Variants in AGAP3 observed in about 807,000 individuals in gnomAD.
AGAP3 encodes ArfGAP with GTPase domain, ankyrin repeat and PH domain 3.
Under a neutral mutation model 96.9 loss-of-function variants are expected in AGAP3, and 24 were observed. The observed-to-expected ratio is 0.25, with a 90% CI of 0.18 to 0.35. The LOEUF (loss-of-function observed/expected upper bound fraction) is 0.35, where lower values mean the gene tolerates loss of function less well. Among genes scored for constraint, AGAP3 ranks in the 10% least tolerant of loss-of-function variants. The pLI is 1.00. For missense variants in AGAP3, 876 were observed against 1,254.2 expected, an observed-to-expected ratio of 0.70 and a Z score of 4.55; for synonymous variants, 563 against 536.1, an observed-to-expected ratio of 1.05 and a Z score of -0.69.
chr7:151,115,111 C>A, intron 1 of AGAP3: 1 of 1,033,716 alleles, frequency 9.7e-7, no homozygotes, highest in South Asian at 3.3e-5. Context: ...CGCAGCCGCA[C>A]CCGCGGGGAG....
intron 1 of AGAP3, among the ~76,000 whole-genome samples, chr7:151,102,063 G>A (rs968130725): frequency 1.3e-5 from 2 of 152,222 alleles, no homozygotes; most frequent in Non-Finnish European, 2.9e-5. Flanking sequence ...TGGGGCGTGT[G>A]GGTGTCCTCG....
intron 11 of AGAP3, among the ~76,000 whole-genome samples, chr7:151,134,796 A>G (rs1800531225): frequency 6.6e-6 from 1 of 152,166 alleles, no homozygotes; most frequent in African/African-American, 2.4e-5. Context: ...AGATGGGGCC[A>G]AGTAGTGTCA....
chr7:151,087,314 T>G, intron 1 of AGAP3: 1 of 542,260 alleles, frequency 1.8e-6, no homozygotes, highest in Non-Finnish European at 3.3e-6. Context: ...GCGAAGGTGG[T>G]GTCGCTTGGG....
intron 7 of AGAP3, 131 bp from the exon 8 acceptor site, chr7:151,119,856 G>C: frequency 1.3e-6 from 1 of 763,536 alleles, no homozygotes; most frequent in Non-Finnish European, 2.1e-6. Context: ...ATCATCTGTA[G>C]GGGCTAGTGG....
intron 1 of AGAP3, chr7:151,115,728 C>T (rs1181648647): frequency 5.8e-6 from 5 of 865,064 alleles, no homozygotes; most frequent in Non-Finnish European, 7.1e-6. Flanking sequence ...AGCTGCCGCG[C>T]GCGTCCGGGG....
Position 151,118,046 on chromosome 7 carries a change from G to T in AGAP3, c.707-164G>T. 1.0e-6 allele frequency: 1 copy of T among 995,388 alleles called. No homozygotes were observed. The highest frequency in any genetic ancestry group is 1.5e-6 in the Non-Finnish European group (1 of 683,978). 61.7% of individuals were successfully genotyped at this position (995,388 alleles called of 1,614,324 possible). On this transcript the variant is annotated intron_variant, in intron 5 of 17. Coordinates refer to ENST00000397238, the MANE Select transcript of AGAP3 (RefSeq NM_031946.7). This position sits in a 1 kb window ranked among gnomAD's most constrained non-coding sequence, Gnocchi z 6.1. ...TGCTTGCTGGTTTGCACTCAGTGAG[G>T]CCATGGAAGGGTTGAAATGAGACCC... is the stretch of plus-strand genomic sequence containing the variant.
intron 12 of AGAP3, 54 bp downstream of exon 12, chr7:151,138,367 G>C (rs1800688269): frequency 1.3e-6 from 2 of 1,542,352 alleles, no homozygotes; most frequent in East Asian, 4.7e-5. Context: ...GTGACAGAGA[G>C]GAGGGGAACT....
At chr7:151,109,827 T>A (rs556446793) in intron 1 of AGAP3, among the ~76,000 whole-genome samples, 1 of 152,288 alleles carries the variant, frequency 6.6e-6, no homozygotes, top group African/African-American at 2.4e-5. Context: ...GAGGGCTGGT[T>A]TCAGTGATCC....
intron 1 of AGAP3, among the ~76,000 whole-genome samples, chr7:151,101,794 G>C (rs1483613414): frequency 6.6e-6 from 1 of 152,180 alleles, no homozygotes; most frequent in South Asian, 2.1e-4. Flanking sequence ...CCAGGGTCTC[G>C]GGAGGCCGGG....
At chr7:151,137,766 G>C (rs1039681192) in intron 11 of AGAP3, 4 of 260,542 alleles carry the variant, frequency 1.5e-5, no homozygotes, top group African/African-American at 8.8e-5. Flanking sequence ...AATGGCATAT[G>C]TGGACTAGAA....
rs377391284 is a variant in AGAP3, at chr7:151,094,451, C to T, written c.331+7379C>T. Among the ~76,000 whole-genome samples the T allele has an allele frequency of 1.3e-4, 20 of 151,192 alleles. No individual in the cohort carries two copies. The East Asian group carries it at 2.7e-3, about 21-fold the overall frequency. On this transcript the variant is annotated intron_variant, in intron 1 of 17. Coordinates refer to ENST00000397238, the MANE Select transcript of AGAP3 (RefSeq NM_031946.7). ...CCTGGAGTTCCCTGCCCCACTTCCC[C>T]GGCACCCCTTCTTCATCTGATACGT... is the stretch of plus-strand genomic sequence containing the variant.
rs759861213 is a variant in AGAP3 at position 151,138,295 on chromosome 7, C to T, written c.1648C>T (p.Pro550Ser). Residue 550 changes from proline (P) to serine (S), a missense_variant, in exon 12 of 18, where the codon CCA becomes TCA. Physicochemically the swap from Pro to Ser is moderately conservative, Grantham distance 74 (BLOSUM62 -1). Coordinates refer to ENST00000397238, the MANE Select transcript of AGAP3 (RefSeq NM_031946.7). ...QWSEATTSLP[P>S]GMQHPASGPA... The stretch of plus-strand genomic sequence containing the variant: ...GAGTGAGGCCACCACTTCCCTGCCC[C>T]CAGGCATGCAGCACCCTGGTGAGTG... The T allele has an allele frequency of 7.4e-6, 12 of 1,612,224 alleles. No individual in the cohort carries two copies. The highest frequency in any genetic ancestry group is 8.5e-7 in the Non-Finnish European group (1 of 1,179,408).
In AGAP3 at chr7:151,105,792, CCA is replaced by C. The variant is rs60071807; in HGVS notation, c.332-10962_332-10961del. Among the ~76,000 whole-genome samples the C allele has an allele frequency of 8.2e-3, 221 of 26,918 alleles. 4 individuals carry two copies. The East Asian group carries it at 0.13, about 16-fold the overall frequency. 17.7% of individuals were successfully genotyped at this position (26,918 alleles called of 152,430 possible). On this transcript the variant is annotated intron_variant, in intron 1 of 17. Transcript: ENST00000397238. ...CTCCATTCCGCCCCCCCCCCCGACACCACACACACACACACACACACACACAC... is the reference window on the plus strand; with the variant it reads ...CTCCATTCCGCCCCCCCCCCCGACACCACACACACACACACACACACACAC...
chr7:151,109,175 AAAAAAC>A lies in AGAP3; in HGVS notation c.332-7612_332-7607del, dbSNP rs1431575888. Among the ~76,000 whole-genome samples, 975 of 135,654 alleles carry A rather than the reference AAAAAAC, an allele frequency of 7.2e-3. 2 individuals are homozygous for A. Among genetic ancestry groups the A allele is most frequent in the African/African-American group, 0.028 (825 of 29,764 alleles). The allele number at this position is 135,654 out of a possible 152,430, so 89.0% of individuals were successfully genotyped here. The stretch of plus-strand genomic sequence containing the variant: ...AGACTCCCACCTCTGTAAAAAAAAA[AAAAAAC>A]AAAAAACAAAAAACAAAGAAAACAA... On this transcript the variant is annotated intron_variant, in intron 1 of 17. Transcript: ENST00000397238.
Position 151,140,157 on chromosome 7 carries a change from C to T in AGAP3, c.1804+41C>T, listed in dbSNP as rs1315272491. The T allele has an allele frequency of 1.3e-6, 2 of 1,510,350 alleles. No homozygotes were observed. Among genetic ancestry groups the T allele is most frequent in the African/African-American group, 1.4e-5 (1 of 70,666 alleles). The allele number at this position is 1,510,350 out of a possible 1,614,324, so 93.6% of individuals were successfully genotyped here. On this transcript the variant is annotated intron_variant, in intron 13 of 17. Transcript: ENST00000397238. The surrounding 1 kb of genome is among the most constrained non-coding windows in gnomAD (Gnocchi z 5.4). ...AGGGAAACCGGGCACAGGAGGTGGGCAGTGGGACTTGGGGATAGTACCCTA... is the reference window on the plus strand; with the variant it reads ...AGGGAAACCGGGCACAGGAGGTGGGTAGTGGGACTTGGGGATAGTACCCTA...
Position 151,143,767 on chromosome 7 carries a change from C to G in AGAP3, c.2560C>G (p.Arg854Gly). The change falls in exon 18 of 18, where the codon CGG (arginine) becomes GGG (glycine). Residue 854 changes from arginine to glycine, a missense_variant. Physicochemically the swap from Arg to Gly is moderately radical, Grantham distance 125. This residue lies in a region of AGAP3 where 213 missense variants were observed against 253.8 expected (regional missense o/e 0.84). Transcript: ENST00000397238. This position sits in a 1 kb window ranked among gnomAD's most constrained non-coding sequence, Gnocchi z 5.9. Reference protein sequence around the residue: ...YGVDVRSRDARGLTPLAYARR... With the variant: ...YGVDVRSRDAGGLTPLAYARR... ...GGTGGACGTGAGGAGCCGGGACGCC[C>G]GGGGCCTGACTCCACTGGCATATGC... is the stretch of plus-strand genomic sequence containing the variant. 1 of 1,614,140 alleles carries G rather than the reference C, an allele frequency of 6.2e-7. No homozygotes were observed. Among genetic ancestry groups the G allele is most frequent in the Admixed American group, 1.7e-5 (1 of 60,036 alleles).
At chr7:151,121,341 T>TGGG (rs145627695) in intron 8 of AGAP3, among the ~76,000 whole-genome samples, 1 of 151,422 alleles carries the variant, frequency 6.6e-6, no homozygotes, top group African/African-American at 2.4e-5. Context: ...CATTAGAGCG[T>TGGG]GGGGGGGGCC....
intron 7 of AGAP3, 150 bp from the exon 8 acceptor site, chr7:151,119,837 T>TC (rs1799784686): frequency 1.5e-6 from 1 of 668,754 alleles, no homozygotes; most frequent in South Asian, 1.9e-5. Context: ...AGGTGAATGT[T>TC]CCCCCCATAT....
Position 151,143,258 on chromosome 7 carries a change from T to G in AGAP3, c.2274-83T>G. 4 of 1,509,670 alleles carry G rather than the reference T, an allele frequency of 2.6e-6. No homozygotes were observed. Among genetic ancestry groups the G allele is most frequent in the Non-Finnish European group, 3.6e-6 (4 of 1,124,120 alleles). The allele number at this position is 1,509,670 out of a possible 1,614,324, so 93.5% of individuals were successfully genotyped here. ...CTTCCTTGTTCCCCCGGGTGCTCGC[T>G]TCCTTTCCTGCCCACCTTCCTGGCC... On this transcript the variant is annotated intron_variant, in intron 16 of 17. Transcript: ENST00000397238. The surrounding 1 kb of genome is among the most constrained non-coding windows in gnomAD (Gnocchi z 5.9).
Sources: gnomAD v4.1 joint callset for allele counts (sites outside exome capture counted in the v4.1 genomes callset) on GRCh38, gnomAD v4.1.1 for gene constraint, gnomAD v4.1.1 regional missense constraint, Gnocchi (gnomAD v3.1) non-coding constraint, MANE v1.5 for transcripts, NCBI Gene and HGNC (gene_info 2026-07-23, HGNC 2026-07-21) for gene names.